The following ATP6V0A2 variants were observed in gnomAD, a reference collection of about 807,000 sequenced individuals.
ATP6V0A2 encodes the protein ATPase H+ transporting V0 subunit a2.
Under a neutral mutation model 104.4 loss-of-function variants are expected in ATP6V0A2, and 58 were observed. That is an observed-to-expected ratio of 0.56 (90% CI 0.45 to 0.69). ATP6V0A2 has a LOEUF of 0.69. Ranked by LOEUF, ATP6V0A2 falls within the 30% of genes least tolerant of loss-of-function variation. The probability of loss-of-function intolerance (pLI) is 0.00; values close to 1 mark genes in which losing one functional copy is unlikely to be tolerated. For synonymous variants in ATP6V0A2, 376 were observed against 397.9 expected, an observed-to-expected ratio of 0.95 and a Z score of 0.65; for missense variants, 938 against 1,062.9, an observed-to-expected ratio of 0.88 and a Z score of 1.63.
chr12:123,748,838 T>C (rs1956688013), intron 15 of ATP6V0A2, 53 bp downstream of exon 15: 1 of 1,526,330 alleles, frequency 6.6e-7, no homozygotes, highest in Admixed American at 1.7e-5. Flanking sequence ...CCAATAGTCT[T>C]TTATTCTGAG....
Position 123,744,632 on chromosome 12 carries a change from C to T in ATP6V0A2, c.1362C>T (p.Leu454=), listed in dbSNP as rs1442099245. ...MRMFFNGRYI[L]LLMGLFSVYT... is the part of the protein sequence containing the mutation. ...TGTTTTTTAATGGCCGGTACATCCT[C>T]CTGCTGATGGGGCTGTTCTCAGTGT... Residue 454 remains leucine (L), a synonymous_variant, in exon 12 of 20, where the codon CTC becomes CTT. Transcript: ENST00000330342. This position sits in a 1 kb window ranked among gnomAD's most constrained non-coding sequence, Gnocchi z 5.4. The T allele has an allele frequency of 2.5e-6, 4 of 1,613,598 alleles. No individual in the cohort carries two copies. The highest frequency in any genetic ancestry group is 3.4e-6 in the Non-Finnish European group (4 of 1,180,038).
intron 16 of ATP6V0A2, 116 bp from the exon 17 acceptor site, chr12:123,752,167 C>G: frequency 6.8e-7 from 1 of 1,463,474 alleles, no homozygotes; most frequent in Middle Eastern, 1.8e-4. Context: ...GCCTAAAGAA[C>G]TTTTTTATTC....
In ATP6V0A2 at chr12:123,726,189, A is replaced by G; in HGVS notation, c.433-8A>G. 6.3e-7 allele frequency: 1 copy of G among 1,592,740 alleles called. No individual in the cohort carries two copies. The highest frequency in any genetic ancestry group is 8.6e-7 in the Non-Finnish European group (1 of 1,160,702). On this transcript the variant is annotated splice_region_variant and splice_polypyrimidine_tract_variant and intron_variant, in intron 4 of 19. Coordinates refer to ENST00000330342, the MANE Select transcript of ATP6V0A2 (RefSeq NM_012463.4). ...GAGACACACTTGGTTTCATATGTTT[A>G]TTTCTAGTTTGAACCCACTTATGAA...
At chr12:123,740,021 C>T (rs143068927) in intron 9 of ATP6V0A2, among the ~76,000 whole-genome samples, 64 of 152,008 alleles carry the variant, frequency 4.2e-4, no homozygotes, top group Non-Finnish European at 6.5e-4. Context: ...AAAAGTCAGC[C>T]GGATGTGGTG....
At chr12:123,755,677 T>C (rs1052270079) in intron 18 of ATP6V0A2, among the ~76,000 whole-genome samples, 6 of 147,142 alleles carry the variant, frequency 4.1e-5, no homozygotes, top group Non-Finnish European at 9.0e-5. Context: ...CTAATAAACT[T>C]TTTTTTTTTT....
Position 123,751,227 on chromosome 12 carries a change from C to G in ATP6V0A2, c.2053C>G (p.Arg685Gly). Residue 685 changes from arginine (R) to glycine (G), a missense_variant and splice_region_variant, in exon 16 of 20, where the codon CGG (arginine) becomes GGG (glycine). Physicochemically the swap from Arg to Gly is moderately radical, Grantham distance 125 (BLOSUM62 -2). Transcript: ENST00000330342. ...HNGRSCFGVN[R>G]SGYTLIRKDS... ...TGGGCGTAGTTGCTTCGGGGTGAACCGGGTAAGTGCGGGTTTGGATGCATT... is the reference window on the plus strand; with the variant it reads ...TGGGCGTAGTTGCTTCGGGGTGAACGGGGTAAGTGCGGGTTTGGATGCATT... 6.2e-7 allele frequency: 1 copy of G among 1,614,006 alleles called. No individual in the cohort carries two copies. Among genetic ancestry groups the G allele is most frequent in the African/African-American group, 1.3e-5 (1 of 74,906 alleles).
chr12:123,748,837 T>G (rs1415305497), intron 15 of ATP6V0A2, 52 bp downstream of exon 15: 1 of 1,524,086 alleles, frequency 6.6e-7, no homozygotes, highest in Non-Finnish European at 9.1e-7. Context: ...CCCAATAGTC[T>G]TTTATTCTGA....
intron 16 of ATP6V0A2, among the ~76,000 whole-genome samples, chr12:123,751,862 C>CTTTTTTTTTTTTT (rs34862238): frequency 8.1e-6 from 1 of 123,456 alleles, no homozygotes; most frequent in African/African-American, 3.0e-5. Flanking sequence ...TTCTTTCTTT[C>CTTTTTTTTTTTTT]TTTTTTTTTT....
chr12:123,719,147 G>A (rs541727044), intron 2 of ATP6V0A2, among the ~76,000 whole-genome samples: 2 of 152,282 alleles, frequency 1.3e-5, no homozygotes, highest in African/African-American at 2.4e-5. Flanking sequence ...CAAGGAACAA[G>A]GGAGGCGGGA....
At chr12:123,717,314 C>T (rs1349501834) in intron 1 of ATP6V0A2, among the ~76,000 whole-genome samples, 1 of 106,864 alleles carries the variant, frequency 9.4e-6, no homozygotes, top group African/African-American at 3.7e-5. Context: ...AACTCTGTCT[C>T]AAAAAAAAAA....
At chr12:123,736,837 G>T (rs997689212) in intron 8 of ATP6V0A2, among the ~76,000 whole-genome samples, 4 of 152,126 alleles carry the variant, frequency 2.6e-5, no homozygotes, top group African/African-American at 9.7e-5. Context: ...TCCCAAAAGA[G>T]GGCATCTGAT....
In ATP6V0A2 at chr12:123,744,878, A is replaced by C; in HGVS notation, c.1515-4A>C. On this transcript the variant is annotated splice_polypyrimidine_tract_variant and splice_region_variant and intron_variant, in intron 12 of 19. Transcript: ENST00000330342. The surrounding 1 kb of genome is among the most constrained non-coding windows in gnomAD (Gnocchi z 5.4). Reference sequence around the variant, plus strand: ...CAGCCTCCTCACTCTGCTTTTTGTTACAGTGACAGCGTCGTTAGACACAAC... The same window carrying C: ...CAGCCTCCTCACTCTGCTTTTTGTTCCAGTGACAGCGTCGTTAGACACAAC... The C allele has an allele frequency of 6.2e-7, 1 of 1,614,028 alleles. No individual in the cohort carries two copies. Among genetic ancestry groups the C allele is most frequent in the South Asian group, 1.1e-5 (1 of 91,076 alleles).
rs572291998 is a variant in ATP6V0A2, at chr12:123,751,360, A to T, written c.2055+131A>T. ...TAAAAGCCAAAGCTCCCTTTATTTAAAACATTGATGTTGGCTGGGTGTGGT... is the reference window on the plus strand; with the variant it reads ...TAAAAGCCAAAGCTCCCTTTATTTATAACATTGATGTTGGCTGGGTGTGGT... On this transcript the variant is annotated intron_variant, in intron 16 of 19. Coordinates refer to ENST00000330342, the MANE Select transcript of ATP6V0A2 (RefSeq NM_012463.4). The T allele has an allele frequency of 5.0e-5, 71 of 1,423,968 alleles. No individual in the cohort carries two copies. The African/African-American group carries it at 9.2e-4, about 18-fold the overall frequency. 88.2% of individuals were successfully genotyped at this position (1,423,968 alleles called of 1,614,324 possible). A position where few individuals can be genotyped will look rare whatever the true frequency, so the allele number is the denominator to read the frequency against.
At chr12:123,754,872 A>G (rs1593921231) in intron 18 of ATP6V0A2, 1 of 350,190 alleles carries the variant, frequency 2.9e-6, no homozygotes, top group Non-Finnish European at 5.3e-6. Context: ...TGTTGCCATT[A>G]CTGTTTCTGT....
intron 1 of ATP6V0A2, among the ~76,000 whole-genome samples, chr12:123,713,041 AG>A (rs1009277483): frequency 7.2e-5 from 11 of 152,136 alleles, no homozygotes; most frequent in African/African-American, 2.7e-4. Context: ...CCAAATAAAT[AG>A]GTCAACCAGA....
rs1025743298 is a variant in ATP6V0A2 at position 123,760,593 on chromosome 12, A to T, written c.*2561A>T. The T allele has an allele frequency of 2.6e-5, 4 of 152,224 alleles. No individual in the cohort carries two copies. The highest frequency in any genetic ancestry group is 9.6e-5 in the African/African-American group (4 of 41,458). The allele number at this position is 152,224 out of a possible 1,614,324, so 9.4% of individuals were successfully genotyped here. A position where few individuals can be genotyped will look rare whatever the true frequency, so the allele number is the denominator to read the frequency against. On this transcript the variant is annotated 3_prime_UTR_variant, in exon 20 of 20. Transcript: ENST00000330342. ...AATATGTTTATTTTCCTAAAGATAA[A>T]TGTCACGACACGACATTTCTCAGTT...
At chr12:123,740,280 G>A (rs1171484879) in intron 9 of ATP6V0A2, among the ~76,000 whole-genome samples, 2 of 149,780 alleles carry the variant, frequency 1.3e-5, no homozygotes, top group Non-Finnish European at 3.0e-5. Flanking sequence ...CTGGCTCACT[G>A]TGCAACCTCT....
chr12:123,751,862 C>CTTTTT lies in ATP6V0A2; in HGVS notation c.2056-410_2056-406dup, dbSNP rs34862238. On this transcript the variant is annotated intron_variant, in intron 16 of 19. Coordinates refer to ENST00000330342, the MANE Select transcript of ATP6V0A2 (RefSeq NM_012463.4). ...TTTCTTTTCTTTTCTTTCTTTCTTT[C>CTTTTT]TTTTTTTTTTTTTTTGAGACTGGAG... is the stretch of plus-strand genomic sequence containing the variant. Among the ~76,000 whole-genome samples, 92 of 123,418 alleles carry CTTTTT rather than the reference C, an allele frequency of 7.5e-4. 1 individual carries two copies. Among genetic ancestry groups the CTTTTT allele is most frequent in the East Asian group, 1.6e-3 (7 of 4,296 alleles). 81.0% of individuals were successfully genotyped at this position (123,418 alleles called of 152,430 possible).
intron 18 of ATP6V0A2, among the ~76,000 whole-genome samples, chr12:123,755,205 C>G (rs1488312333): frequency 6.6e-6 from 1 of 152,064 alleles, no homozygotes; most frequent in African/African-American, 2.4e-5. Flanking sequence ...AAGGTTTGTG[C>G]AAAGGGTGCA....
Sources: gnomAD v4.1 joint callset for allele counts (sites outside exome capture counted in the v4.1 genomes callset) on GRCh38, gnomAD v4.1.1 for gene constraint, Gnocchi (gnomAD v3.1) non-coding constraint, MANE v1.5 for transcripts, NCBI Gene and HGNC (gene_info 2026-07-23, HGNC 2026-07-21) for gene names.